Variants in NRXN2 observed in about 807,000 individuals in gnomAD.
NRXN2 encodes the protein neurexin-2-beta.
NRXN2 carries 29 observed loss-of-function variants against 128.8 expected under a neutral mutation model. The observed-to-expected ratio is 0.23, with a 90% CI of 0.17 to 0.31. NRXN2 has a LOEUF of 0.31. NRXN2 is among the 10% of genes least tolerant of loss of function. The probability of loss-of-function intolerance (pLI) is 1.00; values close to 1 mark genes in which losing one functional copy is unlikely to be tolerated. For synonymous variants in NRXN2, 1,098 were observed against 1,075.2 expected, an observed-to-expected ratio of 1.02 and a Z score of -0.41; for missense variants, 1,881 against 2,452.6, an observed-to-expected ratio of 0.77 and a Z score of 4.92.
chr11:64,705,337 C>G (rs1226023045), intron 2 of NRXN2, among the ~76,000 whole-genome samples: 2 of 152,116 alleles, frequency 1.3e-5, no homozygotes, highest in African/African-American at 4.8e-5. Flanking sequence ...TCTCTTTGAC[C>G]CTCTGTAAAA....
At chr11:64,716,098 T>A (rs1405465146) in intron 1 of NRXN2, among the ~76,000 whole-genome samples, 1 of 152,166 alleles carries the variant, frequency 6.6e-6, no homozygotes, top group Non-Finnish European at 1.5e-5. Flanking sequence ...CCTCCTTCCC[T>A]GCTAGGGTCT....
At position 64,660,140 on chromosome 11, in the gene NRXN2, C is replaced by T. The variant is rs1393476256; in HGVS notation, c.2389+192G>A. Among the ~76,000 whole-genome samples the T allele has an allele frequency of 1.3e-5, 2 of 152,152 alleles. No homozygotes were observed. The highest frequency in any genetic ancestry group is 1.9e-4 in the East Asian group (1 of 5,188). On this transcript the variant is annotated intron_variant, in intron 11 of 22. Transcript: ENST00000265459. This position sits in a 1 kb window ranked among gnomAD's most constrained non-coding sequence, Gnocchi z 5.2. ...CACAGTGTCGTCGAGCATGGAATGT[C>T]GCCCTACACTGTGCGTCCTCACCAG...
chr11:64,703,589 A>T (rs556789062), intron 2 of NRXN2, among the ~76,000 whole-genome samples: 28 of 152,254 alleles, frequency 1.8e-4, no homozygotes, highest in African/African-American at 5.5e-4. Flanking sequence ...ATAAAACACA[A>T]CCAACTTTGT....
intron 3 of NRXN2, among the ~76,000 whole-genome samples, chr11:64,695,207 C>T (rs1375177204): frequency 1.3e-5 from 2 of 152,212 alleles, no homozygotes; most frequent in African/African-American, 4.8e-5. Flanking sequence ...ATTCACTTCC[C>T]CACATCCACC....
intron 17 of NRXN2, among the ~76,000 whole-genome samples, chr11:64,647,765 T>G (rs1433238691): frequency 6.6e-6 from 1 of 152,208 alleles, no homozygotes; most frequent in Non-Finnish European, 1.5e-5. Flanking sequence ...AAATAACAGA[T>G]TCCCACTTCA....
Position 64,635,478 on chromosome 11 carries a change from A to G in NRXN2, c.3404-26T>C. On this transcript the variant is annotated intron_variant, in intron 17 of 22. Transcript: ENST00000265459. The surrounding 1 kb of genome is among the most constrained non-coding windows in gnomAD (Gnocchi z 4.8). ...CTGCAGAGAGAAGGAAAGGGAGACAAGAAGAAATGACATCAGGAGGACGAG... is the reference window on the plus strand; with the variant it reads ...CTGCAGAGAGAAGGAAAGGGAGACAGGAAGAAATGACATCAGGAGGACGAG... 6.2e-7 allele frequency: 1 copy of G among 1,612,846 alleles called. No individual in the cohort carries two copies. The highest frequency in any genetic ancestry group is 1.1e-5 in the South Asian group (1 of 91,000).
rs1400941669 is a variant in NRXN2 at position 64,661,328 on chromosome 11, GC to G, written c.1799-190del. The stretch of plus-strand genomic sequence containing the variant: ...TCACTGCAAAAACTGCTTGACAAAG[GC>G]CCCCAGGCTCAGAGGCTTCTGTGAC... On this transcript the variant is annotated intron_variant, in intron 9 of 22. Coordinates refer to ENST00000265459, the MANE Select transcript of NRXN2 (RefSeq NM_015080.4). 25 of 1,470,326 alleles carry G rather than the reference GC, an allele frequency of 1.7e-5. No homozygotes were observed. The East Asian group carries it at 6.0e-4, about 35-fold the overall frequency. The allele number at this position is 1,470,326 out of a possible 1,614,324, so 91.1% of individuals were successfully genotyped here.
At chr11:64,698,153 C>T (rs1054031727) in intron 2 of NRXN2, among the ~76,000 whole-genome samples, 1 of 152,162 alleles carries the variant, frequency 6.6e-6, no homozygotes, top group Non-Finnish European at 1.5e-5. Context: ...CTCAACTTCC[C>T]CAGAGAGGCT....
chr11:64,608,494 C>CTTTTTTTTTTTTTTTTTTTTTTTTTTT (rs58638827), intron 22 of NRXN2, among the ~76,000 whole-genome samples: 1 of 111,182 alleles, frequency 9.0e-6, no homozygotes, highest in Non-Finnish European at 2.0e-5. Flanking sequence ...TCTTTTTTTG[C>CTTTTTTTTTTTTTTTTTTTTTTTTTTT]TTTTTTTTTT....
At chr11:64,673,141 G>A (rs1286651491) in intron 7 of NRXN2, among the ~76,000 whole-genome samples, 1 of 152,168 alleles carries the variant, frequency 6.6e-6, no homozygotes, top group African/African-American at 2.4e-5. Context: ...TTCCCCATCT[G>A]TTAACTGGAA....
chr11:64,685,420 G>C (rs2052894308), intron 6 of NRXN2, among the ~76,000 whole-genome samples: 1 of 152,032 alleles, frequency 6.6e-6, no homozygotes, highest in Non-Finnish European at 1.5e-5. Flanking sequence ...TCCTGCCCAG[G>C]GACAGTTCTG....
At position 64,697,892 on chromosome 11, in the gene NRXN2, G is replaced by C. The variant is rs557284195; in HGVS notation, c.731-100C>G. 302 of 1,417,492 alleles carry C rather than the reference G, an allele frequency of 2.1e-4. 3 individuals are homozygous for C. In the South Asian group the frequency reaches 3.4e-3, roughly 16 times the overall value. The allele number at this position is 1,417,492 out of a possible 1,614,324, so 87.8% of individuals were successfully genotyped here. A position where few individuals can be genotyped will look rare whatever the true frequency, so the allele number is the denominator to read the frequency against. On this transcript the variant is annotated intron_variant, in intron 2 of 22. Coordinates refer to ENST00000265459, the MANE Select transcript of NRXN2 (RefSeq NM_015080.4). ...GGACAGGGGCTCCAAGGGGAGAGAG[G>C]AGTCCAAGCCCACCCAGGCCCTGAC...
chr11:64,639,476 C>T (rs1467951302), intron 17 of NRXN2, among the ~76,000 whole-genome samples: 1 of 152,130 alleles, frequency 6.6e-6, no homozygotes, highest in African/African-American at 2.4e-5. Flanking sequence ...CATTCCTGGC[C>T]CGACAGTACC....
At chr11:64,649,446 A>G (rs2047163117) in intron 15 of NRXN2, among the ~76,000 whole-genome samples, 1 of 152,174 alleles carries the variant, frequency 6.6e-6, no homozygotes, top group Non-Finnish European at 1.5e-5. Flanking sequence ...AACTCCCTGG[A>G]ATCCCTGGAA....
rs150519125 is a variant in NRXN2, at chr11:64,705,728, A to G, written c.730+7242T>C. ...AGAGGCACCACCACTTAACACAAGC[A>G]TGATCTATTGTGCCAAGCCTGCTCC... On this transcript the variant is annotated intron_variant, in intron 2 of 22. Coordinates refer to ENST00000265459, the MANE Select transcript of NRXN2 (RefSeq NM_015080.4). Among the ~76,000 whole-genome samples the G allele has an allele frequency of 6.1e-3, 922 of 151,914 alleles. 8 individuals carry two copies. The highest frequency in any genetic ancestry group is 0.02 in the African/African-American group (840 of 41,384).
chr11:64,709,462 T>C (rs2135662207), intron 2 of NRXN2, among the ~76,000 whole-genome samples: 1 of 151,666 alleles, frequency 6.6e-6, no homozygotes, highest in South Asian at 2.1e-4. Flanking sequence ...ACCTAGGAAA[T>C]AAGGAACAAA....
chr11:64,687,668 G>A (rs1341520729), intron 5 of NRXN2, among the ~76,000 whole-genome samples: 2 of 152,204 alleles, frequency 1.3e-5, no homozygotes, highest in African/African-American at 4.8e-5. Context: ...GAAGGAGGGA[G>A]GTGGGGCAGA....
At chr11:64,719,960 A>C (rs941820880) in intron 1 of NRXN2, among the ~76,000 whole-genome samples, 1 of 152,210 alleles carries the variant, frequency 6.6e-6, no homozygotes. Flanking sequence ...CCTCAAAGTA[A>C]GGTTTACAGA....
chr11:64,690,664 G>C (rs539995116), intron 4 of NRXN2, among the ~76,000 whole-genome samples, 188 bp from the exon 5 acceptor site: 91 of 152,180 alleles, frequency 6.0e-4, no homozygotes, highest in African/African-American at 2.1e-3. Context: ...AACCGAGGGC[G>C]ATCAGCCCCA....
Sources: gnomAD v4.1 joint callset for allele counts (sites outside exome capture counted in the v4.1 genomes callset) on GRCh38, gnomAD v4.1.1 for gene constraint, Gnocchi (gnomAD v3.1) non-coding constraint, MANE v1.5 for transcripts, NCBI Gene and HGNC (gene_info 2026-07-23, HGNC 2026-07-21) for gene names.